Variants in ADGRB3 observed in about 807,000 individuals in gnomAD.
The protein encoded by ADGRB3 is adhesion G protein-coupled receptor B3.
ADGRB3 carries 37 observed loss-of-function variants against 193.4 expected under a neutral mutation model. The ratio of observed to expected loss-of-function variants is 0.19; its 90% CI spans 0.15 to 0.25. ADGRB3 has a LOEUF of 0.25. Among genes scored for constraint, ADGRB3 ranks in the 10% least tolerant of loss-of-function variants. The pLI, the probability that ADGRB3 is intolerant of heterozygous loss-of-function variation, is 1.00. For synonymous variants in ADGRB3, 690 were observed against 644.2 expected, an observed-to-expected ratio of 1.07 and a Z score of -1.08; for missense variants, 1,637 against 1,852.9, an observed-to-expected ratio of 0.88 and a Z score of 2.14.
chr6:69,182,453 A>G (rs919876077), intron 17 of ADGRB3, among the ~76,000 whole-genome samples: 8 of 151,708 alleles, frequency 5.3e-5, no homozygotes, highest in African/African-American at 1.7e-4. Context: ...CTAAACTAAG[A>G]TGCTACTTCT....
At chr6:69,297,268 A>T (rs1185581456) in intron 20 of ADGRB3, among the ~76,000 whole-genome samples, 7 of 151,940 alleles carry the variant, frequency 4.6e-5, no homozygotes, top group Non-Finnish European at 8.8e-5. Context: ...TCCACTATGT[A>T]AATGACTTTC....
chr6:69,039,436 T>C (rs1384005258), intron 13 of ADGRB3, among the ~76,000 whole-genome samples: 2 of 152,110 alleles, frequency 1.3e-5, no homozygotes, highest in African/African-American at 4.8e-5. Context: ...CTACCGTATG[T>C]CTAAGATGAT....
intron 3 of ADGRB3, among the ~76,000 whole-genome samples, chr6:68,888,541 A>G (rs1196725535): frequency 9.0e-6 from 1 of 111,676 alleles, no homozygotes; most frequent in African/African-American, 3.6e-5. Context: ...TGGGTAATAG[A>G]TACACACACA....
At chr6:68,857,880 G>C (rs186922701) in intron 3 of ADGRB3, among the ~76,000 whole-genome samples, 1 of 152,286 alleles carries the variant, frequency 6.6e-6, no homozygotes. Flanking sequence ...AGTGGGAGAT[G>C]ATTGAATTAT....
intron 3 of ADGRB3, among the ~76,000 whole-genome samples, chr6:68,829,624 C>T (rs1767916538): frequency 6.6e-6 from 1 of 151,902 alleles, no homozygotes; most frequent in African/African-American, 2.4e-5. Context: ...TTAACAAAAC[C>T]ATATTATTAC....
At chr6:68,968,134 A>G (rs942807293) in intron 8 of ADGRB3, among the ~76,000 whole-genome samples, 1 of 150,678 alleles carries the variant, frequency 6.6e-6, no homozygotes, top group African/African-American at 2.5e-5. Flanking sequence ...TAAAAAAAAA[A>G]TGAAGCATTG....
chr6:69,299,225 G>T (rs961927375), intron 20 of ADGRB3, among the ~76,000 whole-genome samples: 2 of 151,390 alleles, frequency 1.3e-5, no homozygotes, highest in African/African-American at 2.4e-5. Context: ...ACTTTAATTG[G>T]ATTATCTTGT....
At chr6:68,772,895 ATATATATATATATAT>A (rs1485377303) in intron 3 of ADGRB3, among the ~76,000 whole-genome samples, 2,506 of 33,330 alleles carry the variant, frequency 0.075, 102 homozygotes, top group Middle Eastern at 0.14. Flanking sequence ...AAAAAAAAAA[ATATATATATATATAT>A]ATATATATAT....
At chr6:68,889,512 T>A (rs1267339706) in intron 3 of ADGRB3, among the ~76,000 whole-genome samples, 1 of 151,840 alleles carries the variant, frequency 6.6e-6, no homozygotes, top group East Asian at 1.9e-4. Context: ...CTTTTATTTT[T>A]TTTTTTTTGA....
intron 3 of ADGRB3, among the ~76,000 whole-genome samples, chr6:68,830,890 C>T (rs764061863): frequency 2.0e-5 from 3 of 150,804 alleles, no homozygotes; most frequent in Non-Finnish European, 4.4e-5. Context: ...TGGGAAAACC[C>T]CACCTGCCAC....
intron 3 of ADGRB3, among the ~76,000 whole-genome samples, chr6:68,817,305 ATGTATATATATATATATATATATATAT>A (rs1767652244): frequency 6.4e-4 from 28 of 43,492 alleles, no homozygotes; most frequent in Middle Eastern, 0.015. Flanking sequence ...CCTTTTGTCC[ATGTATATATATATATATATATATATAT>A]ATATATATAT....
At chr6:68,982,480 G>T (rs923061879) in intron 10 of ADGRB3, among the ~76,000 whole-genome samples, 2 of 152,108 alleles carry the variant, frequency 1.3e-5, no homozygotes, top group African/African-American at 4.8e-5. Context: ...TGCCCATCCT[G>T]TCAGCTCTGA....
At chr6:68,886,900 G>A (rs529443258) in intron 3 of ADGRB3, among the ~76,000 whole-genome samples, 2 of 151,832 alleles carry the variant, frequency 1.3e-5, no homozygotes, top group Non-Finnish European at 2.9e-5. Context: ...AATAATTGTA[G>A]AATAACATCA....
intron 17 of ADGRB3, among the ~76,000 whole-genome samples, chr6:69,189,778 T>C (rs1765147036): frequency 6.6e-6 from 1 of 152,200 alleles, no homozygotes; most frequent in Non-Finnish European, 1.5e-5. Flanking sequence ...TTTACTAATG[T>C]CATCTAACCT....
chr6:69,156,637 T>C (rs1036962266), intron 17 of ADGRB3, among the ~76,000 whole-genome samples: 1 of 152,214 alleles, frequency 6.6e-6, no homozygotes, highest in Non-Finnish European at 1.5e-5. Context: ...AACAACATGA[T>C]GGCTGATTTG....
chr6:68,952,649 A>T (rs1418725814), intron 6 of ADGRB3, among the ~76,000 whole-genome samples: 1 of 109,696 alleles, frequency 9.1e-6, no homozygotes, highest in Non-Finnish European at 2.0e-5. Context: ...AAAGTATAAT[A>T]AAAAAAAATT....
chr6:68,641,606 A>G (rs7743914), intron 3 of ADGRB3, among the ~76,000 whole-genome samples: 31,221 of 152,176 alleles, frequency 0.21, 4,147 homozygotes, highest in Non-Finnish European at 0.3. Context: ...TCTATTCTGT[A>G]CATTCTGAAT....
chr6:69,376,740 C>T (rs1769832495), intron 30 of ADGRB3, among the ~76,000 whole-genome samples: 1 of 152,020 alleles, frequency 6.6e-6, no homozygotes, highest in African/African-American at 2.4e-5. Context: ...TCTTCCTGCG[C>T]CATCCCTGAG....
At chr6:68,901,209 ATGGTCTTATCT>A (rs1309331840) in intron 3 of ADGRB3, among the ~76,000 whole-genome samples, 1 of 151,608 alleles carries the variant, frequency 6.6e-6, no homozygotes, top group Non-Finnish European at 1.5e-5. Flanking sequence ...TGGCCAGAAT[ATGGTCTTATCT>A]CAAGACTCAG....
Sources: gnomAD v4.1 joint callset for allele counts (sites outside exome capture counted in the v4.1 genomes callset) on GRCh38, gnomAD v4.1.1 for gene constraint, MANE v1.5 for transcripts, NCBI Gene and HGNC (gene_info 2026-07-23, HGNC 2026-07-21) for gene names.